CPSF4: variants seen among roughly 807,000 people sequenced by gnomAD.
The protein encoded by CPSF4 is cleavage and polyadenylation specific factor 4.
Under a neutral mutation model 37.7 loss-of-function variants are expected in CPSF4, and 11 were observed. The ratio of observed to expected loss-of-function variants is 0.29; its 90% CI spans 0.18 to 0.48. The LOEUF (loss-of-function observed/expected upper bound fraction) is 0.48. CPSF4 is among the 20% of genes least tolerant of loss of function. The pLI, the probability that CPSF4 is intolerant of heterozygous loss-of-function variation, is 0.99. For missense variants in CPSF4, 144 were observed against 359.5 expected (o/e 0.40, Z 4.85); for synonymous variants, 132 against 135.9 (o/e 0.97, Z 0.20).
intron 3 of CPSF4, among the ~76,000 whole-genome samples, chr7:99,449,567 C>T (rs45546938): frequency 0.018 from 2,730 of 152,360 alleles, 35 homozygotes; most frequent in Non-Finnish European, 0.025. Context: ...GCACCACAGA[C>T]ATTGGGTTGA....
rs146706987 is a variant in CPSF4 at position 99,451,515 on chromosome 7, G to T, written c.497+720G>T. Among the ~76,000 whole-genome samples the T allele has an allele frequency of 5.1e-3, 771 of 152,338 alleles. 4 individuals carry two copies. The highest frequency in any genetic ancestry group is 0.017 in the African/African-American group (716 of 41,580). Reference sequence around the variant, plus strand: ...AGCTACTTGGGAGGCTGAGGCAAAAGAATCACTTGAACCCAGGAGGTGGAA... The same window carrying T: ...AGCTACTTGGGAGGCTGAGGCAAAATAATCACTTGAACCCAGGAGGTGGAA... On this transcript the variant is annotated intron_variant, in intron 5 of 7. Transcript: ENST00000292476.
chr7:99,440,433 C>T (rs983790939), intron 1 of CPSF4, among the ~76,000 whole-genome samples: 1 of 151,828 alleles, frequency 6.6e-6, no homozygotes, highest in Non-Finnish European at 1.5e-5. Flanking sequence ...AATGCAGCCT[C>T]GACTTCCCAG....
In CPSF4 at chr7:99,448,037, G is replaced by A. The variant is rs1419529567; in HGVS notation, c.155-84G>A. On this transcript the variant is annotated intron_variant, in intron 2 of 7. Coordinates refer to ENST00000292476, the MANE Select transcript of CPSF4 (RefSeq NM_006693.4). This position sits in a 1 kb window ranked among gnomAD's most constrained non-coding sequence, Gnocchi z 4.4. ...CAGGTGGCTCCAGGAGTTAGGAAGT[G>A]AAGGTACCTCAGCTTCTTCAGGCCG... 5.6e-6 allele frequency: 8 copies of A among 1,434,110 alleles called. No individual in the cohort carries two copies. The highest frequency in any genetic ancestry group is 2.5e-5 in the South Asian group (2 of 80,144). 88.8% of individuals were successfully genotyped at this position (1,434,110 alleles called of 1,614,324 possible).
rs1320835689 is a variant in CPSF4 at position 99,456,583 on chromosome 7, C to T, written c.*83C>T. 20 of 1,203,112 alleles carry T rather than the reference C, an allele frequency of 1.7e-5. No homozygotes were observed. Among genetic ancestry groups the T allele is most frequent in the Non-Finnish European group, 2.2e-5 (18 of 820,618 alleles). The allele number at this position is 1,203,112 out of a possible 1,614,324, so 74.5% of individuals were successfully genotyped here. A position where few individuals can be genotyped will look rare whatever the true frequency, so the allele number is the denominator to read the frequency against. ...TAACTGTTTCATGCGCTTGTTGGCG[C>T]GACTGTGGCTCGAGCTGGCCCGCAG... On this transcript the variant is annotated 3_prime_UTR_variant, in exon 8 of 8. Coordinates refer to ENST00000292476, the MANE Select transcript of CPSF4 (RefSeq NM_006693.4).
chr7:99,452,624 G>A (rs1798014868), intron 6 of CPSF4, 184 bp downstream of exon 6: 2 of 592,788 alleles, frequency 3.4e-6, no homozygotes, highest in Non-Finnish European at 6.0e-6. Flanking sequence ...AGAGACGGAG[G>A]GCCTCTTGCC....
chr7:99,439,765 G>A (rs1796720381), intron 1 of CPSF4, among the ~76,000 whole-genome samples: 1 of 152,104 alleles, frequency 6.6e-6, no homozygotes, highest in Admixed American at 6.5e-5. Context: ...CTAGGCGGTT[G>A]GAGGAGATGT....
chr7:99,456,683 A>G lies in CPSF4; in HGVS notation c.*183A>G. 2 of 680,736 alleles carry G rather than the reference A, an allele frequency of 2.9e-6. No individual in the cohort carries two copies. The highest frequency in any genetic ancestry group is 2.7e-6 in the Non-Finnish European group (1 of 372,106). The allele number at this position is 680,736 out of a possible 1,614,324, so 42.2% of individuals were successfully genotyped here. A position where few individuals can be genotyped will look rare whatever the true frequency, so the allele number is the denominator to read the frequency against. On this transcript the variant is annotated 3_prime_UTR_variant, in exon 8 of 8. Coordinates refer to ENST00000292476, the MANE Select transcript of CPSF4 (RefSeq NM_006693.4). ...ATTTTGCCTTAGTATTTTTTGAAAAAGGGACATGTGTCCTGTGGGTCCCTG... is the reference window on the plus strand; with the variant it reads ...ATTTTGCCTTAGTATTTTTTGAAAAGGGGACATGTGTCCTGTGGGTCCCTG...
At position 99,438,994 on chromosome 7, in the gene CPSF4, G is replaced by A; in HGVS notation, c.-89G>A. 7.2e-7 allele frequency: 1 copy of A among 1,395,974 alleles called. No individual in the cohort carries two copies. Among genetic ancestry groups the A allele is most frequent in the Non-Finnish European group, 9.4e-7 (1 of 1,059,836 alleles). The allele number at this position is 1,395,974 out of a possible 1,614,324, so 86.5% of individuals were successfully genotyped here. A position where few individuals can be genotyped will look rare whatever the true frequency, so the allele number is the denominator to read the frequency against. On this transcript the variant is annotated 5_prime_UTR_variant, in exon 1 of 8. In the 5' UTR this introduces an upstream ATG that the reference lacks. Transcript: ENST00000292476. ...GGCGGCGAGGCGAAGCGAAGGAGGA[G>A]TGTGTGCGGCGGGGCCGGCGGCGGG...
rs779991021 is a variant in CPSF4, at chr7:99,456,648, G to A, written c.*148G>A. The A allele has an allele frequency of 5.6e-6, 4 of 717,666 alleles. No individual in the cohort carries two copies. In the South Asian group the frequency reaches 5.9e-5, roughly 11 times the overall value. 44.5% of individuals were successfully genotyped at this position (717,666 alleles called of 1,614,324 possible). ...TCACTCTGAGGGGCCACGTCTGTTA[G>A]TTTCCTATCATTTTGCCTTAGTATT... On this transcript the variant is annotated 3_prime_UTR_variant, in exon 8 of 8. Coordinates refer to ENST00000292476, the MANE Select transcript of CPSF4 (RefSeq NM_006693.4).
At chr7:99,454,716 T>C (rs1360478520) in intron 7 of CPSF4, among the ~76,000 whole-genome samples, 1 of 152,228 alleles carries the variant, frequency 6.6e-6, no homozygotes, top group African/African-American at 2.4e-5. Flanking sequence ...CCTGTATTCA[T>C]GTCCTTGGTT....
At position 99,453,882 on chromosome 7, in the gene CPSF4, C is replaced by T. The variant is rs1320257369; in HGVS notation, c.571-84C>T. On this transcript the variant is annotated intron_variant, in intron 6 of 7. Coordinates refer to ENST00000292476, the MANE Select transcript of CPSF4 (RefSeq NM_006693.4). The surrounding 1 kb of genome is among the most constrained non-coding windows in gnomAD (Gnocchi z 4.7). ...GCTTCCTGCCGTTTGCGGGACGAGT[C>T]CCGCCCTCTTTTTTCCTGTCCCCAT... 6.6e-6 allele frequency: 9 copies of T among 1,366,998 alleles called. No individual in the cohort carries two copies. The African/African-American group carries it at 1.0e-4, about 15-fold the overall frequency. 84.7% of individuals were successfully genotyped at this position (1,366,998 alleles called of 1,614,324 possible).
chr7:99,454,094 C>A lies in CPSF4; in HGVS notation c.699C>A (p.Gly233=), dbSNP rs139528752. The A allele has an allele frequency of 3.4e-4, 551 of 1,614,106 alleles. 2 individuals are homozygous for A. The African/African-American group carries it at 4.6e-3, about 13-fold the overall frequency. Residue 233 remains glycine (G), a synonymous_variant, in exon 7 of 8, where the codon GGC becomes GGA. Transcript: ENST00000292476. ...GVMQSQNSSA[G]NRGPRPLEQV... is the part of the protein sequence containing the mutation. ...TGCAGAGTCAAAACAGCAGCGCGGG[C>A]AACCGGGGACCCCGGCCACTGGAGC...
intron 5 of CPSF4, 118 bp from the exon 6 acceptor site, chr7:99,452,250 G>A: frequency 2.4e-6 from 2 of 843,484 alleles, no homozygotes; most frequent in South Asian, 1.5e-5. Context: ...CTTTGTGCTG[G>A]GGCAGCTGAG....
Position 99,439,111 on chromosome 7 carries a change from A to T in CPSF4, c.29A>T (p.His10Leu). 6.2e-7 allele frequency: 1 copy of T among 1,611,600 alleles called. No individual in the cohort carries two copies. Among genetic ancestry groups the T allele is most frequent in the South Asian group, 1.1e-5 (1 of 90,926 alleles). ...CAGGAAATCATCGCCAGCGTGGACC[A>T]CATCAAGTTTGACTTGGAGATCGCG... MQEIIASVD[H>L]IKFDLEIAVE... Residue 10 changes from histidine to leucine, a missense_variant, in exon 1 of 8, where the codon CAC becomes CTC. This residue lies in a region of CPSF4 where 42 missense variants were observed against 86.4 expected (regional missense o/e 0.49). Coordinates refer to ENST00000292476, the MANE Select transcript of CPSF4 (RefSeq NM_006693.4).
chr7:99,450,729 G>C lies in CPSF4; in HGVS notation c.431G>C (p.Arg144Pro), dbSNP rs1797871444. The C allele has an allele frequency of 6.2e-7, 1 of 1,614,102 alleles. No homozygotes were observed. Among genetic ancestry groups the C allele is most frequent in the Non-Finnish European group, 8.5e-7 (1 of 1,179,948 alleles). Residue 144 changes from arginine to proline, a missense_variant, in exon 5 of 8, where the codon CGG becomes CCG. By Grantham distance (103) the Arg-to-Pro change is moderately radical (BLOSUM62 -2). Around this residue, in one of 4 missense-constraint regions of CPSF4, gnomAD observed 86 missense variants for 141.5 expected, o/e 0.61. Coordinates refer to ENST00000292476, the MANE Select transcript of CPSF4 (RefSeq NM_006693.4). ...CCCCTCTGCAGGCACCGGCACACAC[G>C]GAGAGTCATCTGTGTGAATTACCTC... ...HGPLCRHRHTRRVICVNYLVG... is the reference protein window; with the variant it reads ...HGPLCRHRHTPRVICVNYLVG...
intron 1 of CPSF4, among the ~76,000 whole-genome samples, chr7:99,440,493 C>T (rs933848833): frequency 6.6e-6 from 1 of 151,578 alleles, no homozygotes; most frequent in Non-Finnish European, 1.5e-5. Context: ...GGACCACAGG[C>T]ATGCACCAAC....
Position 99,453,725 on chromosome 7 carries a change from G to T in CPSF4, c.571-241G>T. 2.0e-6 allele frequency: 1 copy of T among 491,416 alleles called. No homozygotes were observed. 30.4% of individuals were successfully genotyped at this position (491,416 alleles called of 1,614,324 possible). On this transcript the variant is annotated intron_variant, in intron 6 of 7. Transcript: ENST00000292476. This position sits in a 1 kb window ranked among gnomAD's most constrained non-coding sequence, Gnocchi z 4.7. ...CCCAGAGACCTCCTCTTGTCTCTTTGATGTTTTGTTTTCTATTTTATTTTT... is the reference window on the plus strand; with the variant it reads ...CCCAGAGACCTCCTCTTGTCTCTTTTATGTTTTGTTTTCTATTTTATTTTT...
At chr7:99,450,141 C>T in intron 3 of CPSF4, 135 bp from the exon 4 acceptor site, 2 of 691,728 alleles carry the variant, frequency 2.9e-6, no homozygotes, top group Non-Finnish European at 2.6e-6. Context: ...GAAGCTGGGG[C>T]TCAGAAACAC....
At chr7:99,443,675 T>G (rs1797225879) in intron 1 of CPSF4, among the ~76,000 whole-genome samples, 1 of 152,088 alleles carries the variant, frequency 6.6e-6, no homozygotes, top group Non-Finnish European at 1.5e-5. Flanking sequence ...TCCCAGCACT[T>G]TGGGAGGCCA....
Sources: allele counts gnomAD v4.1 joint callset (sites outside exome capture counted in the v4.1 genomes callset), GRCh38; gene constraint gnomAD v4.1.1; regional missense constraint gnomAD v4.1.1; non-coding constraint Gnocchi (gnomAD v3.1); transcripts MANE v1.5; gene names NCBI Gene and HGNC (gene_info 2026-07-23, HGNC 2026-07-21).